Variants in ZMYND11 observed in about 807,000 individuals in gnomAD.
ZMYND11 encodes zinc finger MYND domain-containing protein 11.
Under a neutral mutation model 84.9 loss-of-function variants are expected in ZMYND11, and 9 were observed. The ratio of observed to expected loss-of-function variants is 0.11; its 90% CI spans 0.06 to 0.18. The LOEUF is 0.18. ZMYND11 is among the 10% of genes least tolerant of loss of function. The pLI is 1.00. For missense variants in ZMYND11, 409 were observed against 761.0 expected, an observed-to-expected ratio of 0.54 and a Z score of 5.44; for synonymous variants, 250 against 244.1, an observed-to-expected ratio of 1.02 and a Z score of -0.23.
intron 2 of ZMYND11, among the ~76,000 whole-genome samples, chr10:186,150 C>T (rs1036559865): frequency 2.0e-5 from 3 of 151,644 alleles, no homozygotes; most frequent in African/African-American, 7.3e-5. Context: ...GCTAGGACTA[C>T]AGGCGCCCAC....
intron 1 of ZMYND11, chr10:148,275 C>G (rs575474681): frequency 6.8e-6 from 1 of 147,900 alleles, no homozygotes; most frequent in Non-Finnish European, 1.5e-5. Flanking sequence ...GAAGTCCTAA[C>G]TTCCTTTGCT....
rs183801855 is a variant in ZMYND11, at chr10:176,804, T to G, written c.-19-3190T>G. ...GGATAGGGAAATTTTTAATAATTGGTAAGGGGCAGGGGAGAACATTCCAGG... is the reference window on the plus strand; with the variant it reads ...GGATAGGGAAATTTTTAATAATTGGGAAGGGGCAGGGGAGAACATTCCAGG... On this transcript the variant is annotated intron_variant, in intron 1 of 14. Coordinates refer to ENST00000381604, the MANE Select transcript of ZMYND11 (RefSeq NM_001370100.5). 3.0e-3 allele frequency among the ~76,000 whole-genome samples: 458 copies of G among 152,216 alleles called. No individual in the cohort carries two copies. In the Middle Eastern group the frequency reaches 0.031, roughly 10 times the overall value.
intron 4 of ZMYND11, among the ~76,000 whole-genome samples, chr10:232,636 A>C (rs1949194065): frequency 1.3e-5 from 2 of 152,226 alleles, no homozygotes; most frequent in South Asian, 4.1e-4. Flanking sequence ...TGGTGTCCGG[A>C]ATAGATCCCT....
intron 4 of ZMYND11, among the ~76,000 whole-genome samples, chr10:230,300 C>CT (rs771968438): frequency 8.6e-5 from 13 of 151,950 alleles, no homozygotes; most frequent in Non-Finnish European, 1.8e-4. Context: ...TGGTGAAACT[C>CT]TGTCTCTACT....
intron 1 of ZMYND11, among the ~76,000 whole-genome samples, chr10:179,132 A>T (rs1011412748): frequency 1.3e-5 from 2 of 152,130 alleles, no homozygotes; most frequent in African/African-American, 4.8e-5. Context: ...TGCGTCCCCA[A>T]TGCTAGGATT....
intron 10 of ZMYND11, among the ~76,000 whole-genome samples, chr10:245,532 TG>T (rs1291953637): frequency 6.6e-6 from 1 of 152,170 alleles, no homozygotes; most frequent in East Asian, 1.9e-4. Flanking sequence ...CATAAATACG[TG>T]TGTTTATAGT....
intron 4 of ZMYND11, among the ~76,000 whole-genome samples, chr10:223,006 T>C (rs1191863342): frequency 6.9e-6 from 1 of 145,622 alleles, no homozygotes. Context: ...TCAAGTTGTC[T>C]GATTCCATTT....
intron 1 of ZMYND11, among the ~76,000 whole-genome samples, chr10:142,790 C>T (rs553949791): frequency 1.3e-5 from 2 of 152,150 alleles, no homozygotes; most frequent in African/African-American, 2.4e-5. Flanking sequence ...AAACTCTGGG[C>T]AATCAAAACA....
At chr10:161,513 A>G (rs548238163) in intron 1 of ZMYND11, among the ~76,000 whole-genome samples, 82 of 152,266 alleles carry the variant, frequency 5.4e-4, no homozygotes, top group African/African-American at 1.5e-3. Context: ...AGGCATCATC[A>G]CCTCTCTAGC....
intron 2 of ZMYND11, among the ~76,000 whole-genome samples, chr10:205,731 C>G (rs1944008255): frequency 6.6e-6 from 1 of 151,384 alleles, no homozygotes; most frequent in Non-Finnish European, 1.5e-5. Flanking sequence ...GGATTCTACA[C>G]ATTTTCTTTT....
rs1240200417 is a variant in ZMYND11 at position 252,249 on chromosome 10, A to C, written c.1687-99A>C. On this transcript the variant is annotated intron_variant, in intron 14 of 14. Coordinates refer to ENST00000381604, the MANE Select transcript of ZMYND11 (RefSeq NM_001370100.5). This position sits in a 1 kb window ranked among gnomAD's most constrained non-coding sequence, Gnocchi z 4.6. Reference sequence around the variant, plus strand: ...GATTCCACAAAAGGTTGAGCCAGAAAGATCTTTTAAAAGCACCACCTCAAG... The same window carrying C: ...GATTCCACAAAAGGTTGAGCCAGAACGATCTTTTAAAAGCACCACCTCAAG... 5.7e-6 allele frequency: 8 copies of C among 1,409,072 alleles called. No homozygotes were observed. Among genetic ancestry groups the C allele is most frequent in the Non-Finnish European group, 6.8e-6 (7 of 1,032,808 alleles). The allele number at this position is 1,409,072 out of a possible 1,614,324, so 87.3% of individuals were successfully genotyped here. A position where few individuals can be genotyped will look rare whatever the true frequency, so the allele number is the denominator to read the frequency against.
intron 10 of ZMYND11, among the ~76,000 whole-genome samples, chr10:246,506 G>A (rs550871596): frequency 1.4e-3 from 216 of 152,292 alleles, no homozygotes; most frequent in South Asian, 2.7e-3. Flanking sequence ...AACTTTTGTC[G>A]ACTGTGAAAG....
chr10:132,355 A>C (rs1253306841), upstream of ZMYND11, among the ~76,000 whole-genome samples: 1 of 151,178 alleles, frequency 6.6e-6, no homozygotes, highest in Non-Finnish European at 1.5e-5. Context: ...GTACGAACTA[A>C]CCTTGTGGAG....
intron 1 of ZMYND11, among the ~76,000 whole-genome samples, chr10:152,737 A>G (rs1840700461): frequency 6.6e-6 from 1 of 152,164 alleles, no homozygotes. Context: ...AGAACTCTCC[A>G]CCCCAAATCA....
At chr10:156,436 A>G (rs984032901) in intron 1 of ZMYND11, among the ~76,000 whole-genome samples, 1 of 152,202 alleles carries the variant, frequency 6.6e-6, no homozygotes, top group African/African-American at 2.4e-5. Context: ...TATAGAATGT[A>G]TTTTTAAATT....
rs1282639179 is a variant in ZMYND11 at position 248,241 on chromosome 10, T to C, written c.1228-95T>C. ...ACAGCAGTTTATTCTATGGCTATTA[T>C]GTATATCACTGAATTTTTATCCGAA... On this transcript the variant is annotated intron_variant, in intron 12 of 14. Coordinates refer to ENST00000381604, the MANE Select transcript of ZMYND11 (RefSeq NM_001370100.5). 3.0e-5 allele frequency: 44 copies of C among 1,458,558 alleles called. 1 individual carries two copies. Among genetic ancestry groups the C allele is most frequent in the South Asian group, 2.2e-4 (16 of 74,120 alleles). The allele number at this position is 1,458,558 out of a possible 1,614,324, so 90.4% of individuals were successfully genotyped here. A position where few individuals can be genotyped will look rare whatever the true frequency, so the allele number is the denominator to read the frequency against.
intron 13 of ZMYND11, 56 bp downstream of exon 13, chr10:248,664 T>G: frequency 6.5e-7 from 1 of 1,535,404 alleles, no homozygotes; most frequent in Non-Finnish European, 8.7e-7. Context: ...CTGTCATGGT[T>G]AGGCTCCTTT....
At chr10:184,656 G>A (rs1267304228) in intron 2 of ZMYND11, among the ~76,000 whole-genome samples, 3 of 151,856 alleles carry the variant, frequency 2.0e-5, no homozygotes, top group East Asian at 3.9e-4. Context: ...CTGTTTTGTC[G>A]GCTTGTCTTT....
At chr10:250,501 A>G (rs1018374413) in intron 14 of ZMYND11, among the ~76,000 whole-genome samples, 6 of 151,468 alleles carry the variant, frequency 4.0e-5, no homozygotes, top group South Asian at 4.2e-4. Context: ...TCTCTTAAAA[A>G]ATTCTTATGA....
Sources: gnomAD v4.1 joint callset for allele counts (sites outside exome capture counted in the v4.1 genomes callset) on GRCh38, gnomAD v4.1.1 for gene constraint, Gnocchi (gnomAD v3.1) non-coding constraint, MANE v1.5 for transcripts, NCBI Gene and HGNC (gene_info 2026-07-23, HGNC 2026-07-21) for gene names.